Variants in SPATA31D1 observed in about 807,000 individuals in gnomAD.
SPATA31D1 encodes SPATA31 subfamily D member 1, also known as spermatogenesis-associated protein 31D1.
In SPATA31D1, 6 loss-of-function variants were observed where a neutral mutation model predicts 13.2. The observed-to-expected ratio is 0.46, with a 90% CI of 0.25 to 0.90. SPATA31D1 has a LOEUF of 0.90. SPATA31D1 is among the 40% of genes least tolerant of loss of function. The pLI, the probability that SPATA31D1 is intolerant of heterozygous loss-of-function variation, is 0.18. For synonymous variants in SPATA31D1, 903 were observed against 718.8 expected, an observed-to-expected ratio of 1.26 and a Z score of -4.10; for missense variants, 2,445 against 1,884.7, an observed-to-expected ratio of 1.30 and a Z score of -5.50.
rs373527770 is a variant in SPATA31D1, at chr9:81,994,455, G to A, written c.3985G>A (p.Gly1329Arg). Reference sequence around the variant, plus strand: ...CCTCCCTGTTCATAACAAGACATCAGGGGAGGTGCTTGGGAGCAAATCTTC... The same window carrying A: ...CCTCCCTGTTCATAACAAGACATCAAGGGAGGTGCTTGGGAGCAAATCTTC... ...KSLPVHNKTS[G>R]EVLGSKSSPT... Residue 1329 changes from glycine to arginine, a missense_variant, in exon 4 of 4, where the codon GGG becomes AGG. Transcript: ENST00000344803. 9 of 1,613,412 alleles carry A rather than the reference G, an allele frequency of 5.6e-6. No homozygotes were observed. Among genetic ancestry groups the A allele is most frequent in the Non-Finnish European group, 6.8e-6 (8 of 1,179,664 alleles).
At position 81,993,084 on chromosome 9, in the gene SPATA31D1, A is replaced by C; in HGVS notation, c.2614A>C (p.Lys872Gln). 6.2e-7 allele frequency: 1 copy of C among 1,613,844 alleles called. No individual in the cohort carries two copies. The highest frequency in any genetic ancestry group is 8.5e-7 in the Non-Finnish European group (1 of 1,179,776). ...TCCTGAGAAATCCCACAGCCAAATT[A>C]AACATCGAAATCTGGTAACATTGGT... ...SLPEKSHSQIKHRNLVTLVSE... is the reference protein window; with the variant it reads ...SLPEKSHSQIQHRNLVTLVSE... The change falls in exon 4 of 4, where the codon AAA (lysine) becomes CAA (glutamine). Residue 872 changes from lysine (K) to glutamine (Q), a missense_variant. By Grantham distance (53) the Lys-to-Gln change is moderately conservative (BLOSUM62 1). Transcript: ENST00000344803.
At chr9:81,988,685 C>T (rs1824894411), upstream of SPATA31D1, 9 of 1,424,956 alleles carry the variant, frequency 6.3e-6, no homozygotes, top group Non-Finnish European at 7.6e-6. Context: ...TGGACACACC[C>T]TCCTCTTGTT....
Position 81,990,831 on chromosome 9 carries a change from C to T in SPATA31D1, c.361C>T (p.Arg121Cys), listed in dbSNP as rs775546728. 8 of 1,613,858 alleles carry T rather than the reference C, an allele frequency of 5.0e-6. No individual in the cohort carries two copies. In the South Asian group the frequency reaches 5.5e-5, roughly 11 times the overall value. Residue 121 changes from arginine to cysteine, a missense_variant, in exon 4 of 4, where the codon CGT (arginine) becomes TGT (cysteine). Coordinates refer to ENST00000344803, the MANE Select transcript of SPATA31D1 (RefSeq NM_001001670.3). ...RGQHHDTNHF[R>C]RLLCPDPVCR... ...CCAGCATCATGATACCAACCACTTT[C>T]GTCGACTGTTATGCCCAGACCCCGT...
Position 81,993,769 on chromosome 9 carries a change from T to G in SPATA31D1, c.3299T>G (p.Val1100Gly), listed in dbSNP as rs1587532454. Residue 1100 changes from valine to glycine, a missense_variant, in exon 4 of 4, where the codon GTC (valine) becomes GGC (glycine). Physicochemically the swap from Val to Gly is moderately radical, Grantham distance 109. Coordinates refer to ENST00000344803, the MANE Select transcript of SPATA31D1 (RefSeq NM_001001670.3). Reference sequence around the variant, plus strand: ...CCGCCACACAGCATCGTAGACGAAGTCAGTCAGAAACAGACTGTACTGGCC... The same window carrying G: ...CCGCCACACAGCATCGTAGACGAAGGCAGTCAGAAACAGACTGTACTGGCC... Reference protein sequence around the residue: ...LPPPHSIVDEVSQKQTVLASR... With the variant: ...LPPPHSIVDEGSQKQTVLASR... 1.1e-5 allele frequency: 17 copies of G among 1,613,966 alleles called. No homozygotes were observed. Among genetic ancestry groups the G allele is most frequent in the African/African-American group, 8.0e-5 (6 of 75,018 alleles).
At position 81,991,210 on chromosome 9, in the gene SPATA31D1, T is replaced by G; in HGVS notation, c.740T>G (p.Leu247Arg). Residue 247 changes from leucine (L) to arginine (R), a missense_variant, in exon 4 of 4, where the codon CTT becomes CGT. By Grantham distance (102) the Leu-to-Arg change is moderately radical. Transcript: ENST00000344803. ...CCACCCCAACAGCTTCCCTTTCCCCTTCTCCCACCACATCACATTGAGAGA... is the reference window on the plus strand; with the variant it reads ...CCACCCCAACAGCTTCCCTTTCCCCGTCTCCCACCACATCACATTGAGAGA... ...HSPPQQLPFP[L>R]LPPHHIERVE... The G allele has an allele frequency of 6.2e-7, 1 of 1,613,960 alleles. No homozygotes were observed. The highest frequency in any genetic ancestry group is 2.2e-5 in the East Asian group (1 of 44,850).
At position 81,990,883 on chromosome 9, in the gene SPATA31D1, C is replaced by T. The variant is rs761350972; in HGVS notation, c.413C>T (p.Ala138Val). Residue 138 changes from alanine to valine, a missense_variant, in exon 4 of 4, where the codon GCT becomes GTT. Ala to Val is a moderately conservative substitution (Grantham distance 64). Coordinates refer to ENST00000344803, the MANE Select transcript of SPATA31D1 (RefSeq NM_001001670.3). ...PVCRVCKRAT[A>V]DIQQLLSWES... The stretch of plus-strand genomic sequence containing the variant: ...TGTCGGGTGTGTAAGAGAGCAACTG[C>T]TGATATCCAGCAACTGCTGTCTTGG... The T allele has an allele frequency of 4.5e-5, 72 of 1,613,818 alleles. No homozygotes were observed. In the Admixed American group the frequency reaches 1.2e-3, roughly 27 times the overall value.
intron 1 of SPATA31D1, 125 bp from the exon 2 acceptor site, chr9:81,989,653 T>G: frequency 9.4e-7 from 1 of 1,064,480 alleles, no homozygotes; most frequent in Non-Finnish European, 1.4e-6. Context: ...CAGGAACATA[T>G]TTCTATTAAT....
Position 81,991,393 on chromosome 9 carries a change from A to G in SPATA31D1, c.923A>G (p.Asp308Gly). ...ATCCCATCTGCTTTACCACCGGAAG[A>G]TTGCACTGTGACTCAGTCTAAATCA... is the stretch of plus-strand genomic sequence containing the variant. Reference protein sequence around the residue: ...PPIPSALPPEDCTVTQSKSSL... With the variant: ...PPIPSALPPEGCTVTQSKSSL... Residue 308 changes from aspartate (D) to glycine (G), a missense_variant, in exon 4 of 4, where the codon GAT becomes GGT. Asp to Gly is a moderately conservative substitution (Grantham distance 94, BLOSUM62 -1). Coordinates refer to ENST00000344803, the MANE Select transcript of SPATA31D1 (RefSeq NM_001001670.3). 6.2e-7 allele frequency: 1 copy of G among 1,614,034 alleles called. No homozygotes were observed. The highest frequency in any genetic ancestry group is 8.5e-7 in the Non-Finnish European group (1 of 1,179,896).
At chr9:81,989,062 A>C in intron 1 of SPATA31D1, 58 bp downstream of exon 1, 1 of 1,585,132 alleles carries the variant, frequency 6.3e-7, no homozygotes, top group Non-Finnish European at 8.6e-7. Context: ...TCCCAATCCT[A>C]TTCCAACATT....
Position 81,991,793 on chromosome 9 carries a change from A to G in SPATA31D1, c.1323A>G (p.Gln441=). 5 of 1,613,778 alleles carry G rather than the reference A, an allele frequency of 3.1e-6. No homozygotes were observed. Among genetic ancestry groups the G allele is most frequent in the Non-Finnish European group, 4.2e-6 (5 of 1,179,716 alleles). ...AGAAACCAGGATCATTCCCAAAACA[A>G]CTTAGGCCAAACTACCAACTAAATT... ...NGKKPGSFPK[Q]LRPNYQLNSS... Residue 441 remains glutamine (Q), a synonymous_variant, in exon 4 of 4, where the codon CAA becomes CAG. Transcript: ENST00000344803.
Position 81,992,391 on chromosome 9 carries a change from T to A in SPATA31D1, c.1921T>A (p.Ser641Thr), listed in dbSNP as rs371185097. ...GCAGGAAAGTTTGTGGGGCTTACCCTCTGTGGTTCAAAAATCCCAGGAAGA... is the reference window on the plus strand; with the variant it reads ...GCAGGAAAGTTTGTGGGGCTTACCCACTGTGGTTCAAAAATCCCAGGAAGA... ...KVQESLWGLP[S>T]VVQKSQEDFC... The change falls in exon 4 of 4, where the codon TCT becomes ACT. Residue 641 changes from serine to threonine, a missense_variant. Physicochemically the swap from Ser to Thr is moderately conservative, Grantham distance 58. Coordinates refer to ENST00000344803, the MANE Select transcript of SPATA31D1 (RefSeq NM_001001670.3). 24 of 1,613,650 alleles carry A rather than the reference T, an allele frequency of 1.5e-5. No individual in the cohort carries two copies. Among genetic ancestry groups the A allele is most frequent in the Non-Finnish European group, 1.9e-5 (22 of 1,179,744 alleles).
In SPATA31D1 at chr9:81,992,443, A is replaced by T. The variant is rs142280401; in HGVS notation, c.1973A>T (p.Glu658Val). 1.0e-3 allele frequency: 1,655 copies of T among 1,612,630 alleles called. 15 individuals carry two copies. In the African/African-American group the frequency reaches 0.019, roughly 18 times the overall value. ...EDFCPPAPNP[E>V]LVRKSFKVHV... Reference sequence around the variant, plus strand: ...TTTTGTCCTCCAGCTCCCAATCCTGAATTGGTCAGAAAGTCCTTCAAGGTC... The same window carrying T: ...TTTTGTCCTCCAGCTCCCAATCCTGTATTGGTCAGAAAGTCCTTCAAGGTC... The change falls in exon 4 of 4, where the codon GAA (glutamate) becomes GTA (valine). Residue 658 changes from glutamate (E) to valine (V), a missense_variant. Coordinates refer to ENST00000344803, the MANE Select transcript of SPATA31D1 (RefSeq NM_001001670.3).
At chr9:81,988,231 T>A (rs899715978), upstream of SPATA31D1, among the ~76,000 whole-genome samples, 2 of 152,204 alleles carry the variant, frequency 1.3e-5, no homozygotes, top group Non-Finnish European at 2.9e-5. Context: ...TTAGTTTTAA[T>A]CATTTGAGAC....
At position 81,995,009 on chromosome 9, in the gene SPATA31D1, C is replaced by G; in HGVS notation, c.4539C>G (p.Ser1513Arg). 1.9e-6 allele frequency: 3 copies of G among 1,613,956 alleles called. No homozygotes were observed. Among genetic ancestry groups the G allele is most frequent in the Non-Finnish European group, 1.7e-6 (2 of 1,179,870 alleles). ...TTAAGGGGAAGATACTGTGTCAAAG[C>G]CATCCCCAATCCATGCCCCACAGGA... is the stretch of plus-strand genomic sequence containing the variant. ...EAFKGKILCQ[S>R]HPQSMPHRKP... The change falls in exon 4 of 4, where the codon AGC (serine) becomes AGG (arginine). Residue 1513 changes from serine (S) to arginine (R), a missense_variant. Transcript: ENST00000344803.
At position 81,994,171 on chromosome 9, in the gene SPATA31D1, C is replaced by T. The variant is rs1825044823; in HGVS notation, c.3701C>T (p.Ser1234Phe). 1 of 1,614,018 alleles carries T rather than the reference C, an allele frequency of 6.2e-7. No individual in the cohort carries two copies. The highest frequency in any genetic ancestry group is 8.5e-7 in the Non-Finnish European group (1 of 1,179,890). ...TCTTTTGCCTTAGATAACTTGAGTT[C>T]CAAGGACTTACTGACTAATTCCCAG... ...DMSFALDNLS[S>F]KDLLTNSQGI... The change falls in exon 4 of 4, where the codon TCC becomes TTC. Residue 1234 changes from serine to phenylalanine, a missense_variant. Transcript: ENST00000344803.
At position 81,992,070 on chromosome 9, in the gene SPATA31D1, G is replaced by A. The variant is rs1331099068; in HGVS notation, c.1600G>A (p.Gly534Ser). 6.2e-7 allele frequency: 1 copy of A among 1,613,684 alleles called. No individual in the cohort carries two copies. Among genetic ancestry groups the A allele is most frequent in the African/African-American group, 1.3e-5 (1 of 74,992 alleles). ...TTCCTCCATGTTTGTATTCTTCAAT[G>A]GCATTACAAATACATCTATATCCCA... ...GHSSMFVFFN[G>S]ITNTSISHES... is the part of the protein sequence containing the mutation. Residue 534 changes from glycine (G) to serine (S), a missense_variant, in exon 4 of 4, where the codon GGC (glycine) becomes AGC (serine). Physicochemically the swap from Gly to Ser is moderately conservative, Grantham distance 56. Coordinates refer to ENST00000344803, the MANE Select transcript of SPATA31D1 (RefSeq NM_001001670.3).
In SPATA31D1 at chr9:81,994,181, ACTGAC is replaced by A; in HGVS notation, c.3712_3716del (p.Leu1238Ter). ...TAGATAACTTGAGTTCCAAGGACTT[ACTGAC>A]TAATTCCCAGGGCATCTCGAGTGGG... is the stretch of plus-strand genomic sequence containing the variant. On this transcript the variant is annotated frameshift_variant, in exon 4 of 4. Transcript: ENST00000344803. LOFTEE classifies it low-confidence loss of function (END_TRUNC). The A allele has an allele frequency of 6.2e-7, 1 of 1,614,018 alleles. No homozygotes were observed. Among genetic ancestry groups the A allele is most frequent in the Non-Finnish European group, 8.5e-7 (1 of 1,179,862 alleles).
At position 81,995,093 on chromosome 9, in the gene SPATA31D1, C is replaced by T. The variant is rs1346300664; in HGVS notation, c.4623C>T (p.Ala1541=). 1.1e-5 allele frequency: 18 copies of T among 1,611,022 alleles called. No individual in the cohort carries two copies. Among genetic ancestry groups the T allele is most frequent in the South Asian group, 6.6e-5 (6 of 90,544 alleles). Residue 1541 remains alanine (A), a synonymous_variant, in exon 4 of 4, where the codon GCC becomes GCT. Coordinates refer to ENST00000344803, the MANE Select transcript of SPATA31D1 (RefSeq NM_001001670.3). ...GTCAGGTCAGCCTGGTGTGTCCAGC[C>T]GTCCCAACCAGTGCTAAAAGCCCTG... The part of the protein sequence containing the change: ...CRRQVSLVCP[A]VPTSAKSPVF...
At position 81,992,115 on chromosome 9, in the gene SPATA31D1, C is replaced by T. The variant is rs1824981189; in HGVS notation, c.1645C>T (p.Pro549Ser). ...ATCCCATGAATCCCCAGTACTTCCC[C>T]CTCCCCAACCTCTGTCCTTGCCTAG... Reference protein sequence around the residue: ...SISHESPVLPPPQPLSLPSTQ... With the variant: ...SISHESPVLPSPQPLSLPSTQ... Residue 549 changes from proline to serine, a missense_variant, in exon 4 of 4, where the codon CCT becomes TCT. Coordinates refer to ENST00000344803, the MANE Select transcript of SPATA31D1 (RefSeq NM_001001670.3). 1 of 1,613,618 alleles carries T rather than the reference C, an allele frequency of 6.2e-7. No homozygotes were observed. The highest frequency in any genetic ancestry group is 1.3e-5 in the African/African-American group (1 of 74,900).
Sources: gnomAD v4.1 joint callset for allele counts (sites outside exome capture counted in the v4.1 genomes callset) on GRCh38, gnomAD v4.1.1 for gene constraint, MANE v1.5 for transcripts, NCBI Gene and HGNC (gene_info 2026-07-23, HGNC 2026-07-21) for gene names.